Variants in TCF4 observed in about 807,000 individuals in gnomAD.
TCF4 encodes SL3-3 enhancer factor 2.
TCF4 carries 3 observed loss-of-function variants against 82.1 expected under a neutral mutation model. That is an observed-to-expected ratio of 0.04 (90% CI 0.02 to 0.09). The LOEUF (loss-of-function observed/expected upper bound fraction) is 0.09. Among genes scored for constraint, TCF4 ranks in the 10% least tolerant of loss-of-function variants. TCF4 has a pLI of 1.00. For synonymous variants in TCF4, 276 were observed against 309.6 expected (o/e 0.89, Z 1.14); for missense variants, 518 against 852.7 (o/e 0.61, Z 4.89).
chr18:55,463,932 G>C, intron 4 of TCF4, 144 bp downstream of exon 4: 1 of 847,912 alleles, frequency 1.2e-6, no homozygotes, highest in South Asian at 1.3e-5. Context: ...TTGTGTGCGT[G>C]TGCATGCCCA....
At position 55,223,346 on chromosome 18, in the gene TCF4, A is replaced by G. The variant is rs893414505; in HGVS notation, c.*4689T>C. 5 of 152,604 alleles carry G rather than the reference A, an allele frequency of 3.3e-5. No homozygotes were observed. Among genetic ancestry groups the G allele is most frequent in the Admixed American group, 3.3e-4 (5 of 15,276 alleles). 9.5% of individuals were successfully genotyped at this position (152,604 alleles called of 1,614,324 possible). A position where few individuals can be genotyped will look rare whatever the true frequency, so the allele number is the denominator to read the frequency against. On this transcript the variant is annotated 3_prime_UTR_variant, in exon 20 of 20. Coordinates refer to ENST00000354452, the MANE Select transcript of TCF4 (RefSeq NM_001083962.2). ...GTATGTTTTGTTTGTTAAGCTGTCA[A>G]TACCTCCAACACTTGGAAAATGAAA...
chr18:55,468,508 T>C (rs1245072223), intron 3 of TCF4, among the ~76,000 whole-genome samples: 1 of 152,236 alleles, frequency 6.6e-6, no homozygotes, highest in Non-Finnish European at 1.5e-5. Flanking sequence ...CTTGTATGGC[T>C]GGCTCAATAC....
intron 5 of TCF4, among the ~76,000 whole-genome samples, chr18:55,447,296 CAAAA>C (rs34577882): frequency 6.9e-6 from 1 of 144,086 alleles, no homozygotes. Flanking sequence ...GAGACCGTCT[CAAAA>C]AAAAAAAAAA....
intron 3 of TCF4, among the ~76,000 whole-genome samples, chr18:55,510,121 G>A (rs567913378): frequency 2.4e-4 from 37 of 152,170 alleles, no homozygotes; most frequent in Middle Eastern, 3.4e-3. Flanking sequence ...GATGTTCTAT[G>A]CAGCACCACT....
intron 3 of TCF4, among the ~76,000 whole-genome samples, chr18:55,477,689 T>C (rs1321748398): frequency 6.6e-6 from 1 of 152,210 alleles, no homozygotes; most frequent in Non-Finnish European, 1.5e-5. Flanking sequence ...AGGTTTCCTC[T>C]AAACCATGCT....
chr18:55,410,153 T>C (rs2094284771), intron 5 of TCF4, among the ~76,000 whole-genome samples: 1 of 152,042 alleles, frequency 6.6e-6, no homozygotes, highest in South Asian at 2.1e-4. Context: ...TAATGAAAAA[T>C]GGGCAGTAAA....
At chr18:55,472,382 A>G (rs542243583) in intron 3 of TCF4, among the ~76,000 whole-genome samples, 11 of 152,340 alleles carry the variant, frequency 7.2e-5, no homozygotes, top group African/African-American at 2.4e-4. Context: ...TGGAGGTGTC[A>G]ACGATCATCT....
intron 2 of TCF4, among the ~76,000 whole-genome samples, chr18:55,613,498 A>T (rs1265870963): frequency 6.6e-6 from 1 of 152,100 alleles, no homozygotes; most frequent in Non-Finnish European, 1.5e-5. Context: ...TATTTTCTGT[A>T]TTAGTCTGTT....
intron 8 of TCF4, chr18:55,322,122 T>G (rs1186368832): frequency 3.4e-5 from 34 of 1,002,092 alleles, no homozygotes; most frequent in African/African-American, 3.7e-5. Flanking sequence ...TTTTTTTTTT[T>G]GTTTTGTTTT....
rs1337921342 is a variant in TCF4 at position 55,633,795 on chromosome 18, G to A, written c.195+1908C>T. On this transcript the variant is annotated intron_variant, in intron 1 of 20. Coordinates refer to the TCF4 transcript ENST00000398339. This position sits in a 1 kb window ranked among gnomAD's most constrained non-coding sequence, Gnocchi z 4.0. ...TATGTCTCGGTTAAGCCCAAAGTAG[G>A]TCTGTGGGCTATAGTTTGTCAACCC... Among the ~76,000 whole-genome samples the A allele has an allele frequency of 1.3e-5, 2 of 151,894 alleles. No individual in the cohort carries two copies. Among genetic ancestry groups the A allele is most frequent in the Non-Finnish European group, 1.5e-5 (1 of 67,990 alleles).
intron 5 of TCF4, among the ~76,000 whole-genome samples, chr18:55,456,703 G>GT (rs918112227): frequency 1.3e-5 from 2 of 151,886 alleles, no homozygotes; most frequent in African/African-American, 2.4e-5. Context: ...GGAAAAAAAA[G>GT]TTTTTTTTAA....
intron 3 of TCF4, chr18:55,492,105 C>G (rs2096583087): frequency 6.6e-6 from 1 of 152,116 alleles, no homozygotes; most frequent in African/African-American, 2.4e-5. Context: ...GGACCGGTTC[C>G]CCTTTATGTC....
chr18:55,245,102 A>G (rs753577391), intron 15 of TCF4, among the ~76,000 whole-genome samples: 54 of 152,234 alleles, frequency 3.5e-4, no homozygotes, highest in Non-Finnish European at 6.5e-4. Flanking sequence ...TGTCAACCAA[A>G]TAGGTAGAAC....
intron 5 of TCF4, among the ~76,000 whole-genome samples, chr18:55,425,308 A>C (rs2094931356): frequency 6.6e-6 from 1 of 151,658 alleles, no homozygotes; most frequent in Non-Finnish European, 1.5e-5. Context: ...CATCAATTCA[A>C]ACATATTTTC....
At chr18:55,405,493 A>G (rs1007865379) in intron 5 of TCF4, among the ~76,000 whole-genome samples, 1 of 152,176 alleles carries the variant, frequency 6.6e-6, no homozygotes, top group African/African-American at 2.4e-5. Flanking sequence ...AAGAAAAAGC[A>G]TCTATTTTTT....
chr18:55,290,400 C>A (rs140637748), intron 8 of TCF4, among the ~76,000 whole-genome samples: 1 of 152,244 alleles, frequency 6.6e-6, no homozygotes, highest in African/African-American at 2.4e-5. Flanking sequence ...CATCACATCT[C>A]CAATCACTCC....
chr18:55,557,059 G>T (rs1401540297), intron 3 of TCF4, among the ~76,000 whole-genome samples: 1 of 152,114 alleles, frequency 6.6e-6, no homozygotes, highest in Non-Finnish European at 1.5e-5. Flanking sequence ...TCCTAAAAAT[G>T]TAACTTCCAT....
At chr18:55,601,882 T>C (rs1042674889) in intron 2 of TCF4, among the ~76,000 whole-genome samples, 1 of 152,214 alleles carries the variant, frequency 6.6e-6, no homozygotes, top group African/African-American at 2.4e-5. Flanking sequence ...ATAAAAAGGC[T>C]TCAAGTTCTT....
At position 55,521,346 on chromosome 18, in the gene TCF4, T is replaced by C. The variant is rs559489609; in HGVS notation, c.146-57209A>G. Reference sequence around the variant, plus strand: ...GTTATGTAAATGTTATCTTCTAGCTTCTAATAAAGAATAACACTTTGATTT... The same window carrying C: ...GTTATGTAAATGTTATCTTCTAGCTCCTAATAAAGAATAACACTTTGATTT... On this transcript the variant is annotated intron_variant, in intron 3 of 19. Coordinates refer to ENST00000354452, the MANE Select transcript of TCF4 (RefSeq NM_001083962.2). 2.6e-5 allele frequency among the ~76,000 whole-genome samples: 4 copies of C among 152,328 alleles called. No homozygotes were observed. The East Asian group carries it at 7.7e-4, about 29-fold the overall frequency.
Sources: gnomAD v4.1 joint callset for allele counts (sites outside exome capture counted in the v4.1 genomes callset) on GRCh38, gnomAD v4.1.1 for gene constraint, Gnocchi (gnomAD v3.1) non-coding constraint, MANE v1.5 for transcripts, NCBI Gene and HGNC (gene_info 2026-07-23, HGNC 2026-07-21) for gene names.